CDHR3: variants seen among roughly 807,000 people sequenced by gnomAD.
The protein encoded by CDHR3 is cadherin-related family member 3.
A neutral mutation model predicts 86.6 loss-of-function variants in CDHR3; 79 were observed. The ratio of observed to expected loss-of-function variants is 0.91; its 90% confidence interval spans 0.76 to 1.10. The LOEUF is 1.10. Among genes scored for constraint, CDHR3 ranks in the 50% least tolerant of loss-of-function variants. The probability of loss-of-function intolerance (pLI) is 0.00; values close to 1 mark genes in which losing one functional copy is unlikely to be tolerated. For missense variants in CDHR3, 1,081 were observed against 1,077.6 expected (o/e 1.00, Z -0.04); for synonymous variants, 421 against 402.4 (o/e 1.05, Z -0.55).
chr7:105,981,180 G>A (rs1457518193), intron 3 of CDHR3, 47 bp downstream of exon 3: 7 of 1,581,986 alleles, frequency 4.4e-6, no homozygotes, highest in Non-Finnish European at 5.2e-6. Context: ...GTGGCATCAG[G>A]GAGGGCCCTG....
intron 15 of CDHR3, among the ~76,000 whole-genome samples, chr7:106,025,836 G>C (rs1837269485): frequency 6.6e-6 from 1 of 151,966 alleles, no homozygotes; most frequent in African/African-American, 2.4e-5. Flanking sequence ...AATTAAAAAA[G>C]GCATTTTTGT....
intron 18 of CDHR3, among the ~76,000 whole-genome samples, chr7:106,031,997 T>C (rs1838445653): frequency 6.6e-6 from 1 of 152,182 alleles, no homozygotes; most frequent in African/African-American, 2.4e-5. Flanking sequence ...ATAGCAGGAA[T>C]TCAGGGGTCT....
intron 1 of CDHR3, among the ~76,000 whole-genome samples, chr7:105,963,718 T>C (rs1214018675): frequency 6.6e-6 from 1 of 152,206 alleles, no homozygotes; most frequent in Admixed American, 6.5e-5. Context: ...GTGGAGATTC[T>C]GGCCCTTTTC....
chr7:105,982,927 G>A (rs1032837434), intron 3 of CDHR3, among the ~76,000 whole-genome samples: 1 of 148,918 alleles, frequency 6.7e-6, no homozygotes, highest in African/African-American at 2.5e-5. Flanking sequence ...AGGCTGCAGT[G>A]AGCTATGTTT....
At chr7:106,028,347 G>T (rs1837696980) in intron 16 of CDHR3, 7 of 632,456 alleles carry the variant, frequency 1.1e-5, no homozygotes, top group Non-Finnish European at 2.0e-5. Context: ...GTTATTGTGT[G>T]TGTGTGTATA....
chr7:105,994,703 GGT>G (rs1335992491), intron 4 of CDHR3, 46 bp from the exon 5 acceptor site: 3 of 1,232,954 alleles, frequency 2.4e-6, no homozygotes, highest in Non-Finnish European at 3.5e-6. Context: ...TCTGGGGAAG[GGT>G]GGGCAGGTGG....
At chr7:106,026,836 A>C in intron 16 of CDHR3, 141 bp downstream of exon 16, 1 of 897,600 alleles carries the variant, frequency 1.1e-6, no homozygotes, top group South Asian at 1.4e-5. Context: ...GGCTGGAAGG[A>C]AGCGGAGGTC....
intron 4 of CDHR3, among the ~76,000 whole-genome samples, chr7:105,994,376 A>G (rs1831860416): frequency 6.6e-6 from 1 of 152,188 alleles, no homozygotes. Context: ...ATTTAAATAC[A>G]GTGTTGGTTA....
At chr7:105,971,452 C>A (rs1447024053) in intron 1 of CDHR3, among the ~76,000 whole-genome samples, 2 of 152,148 alleles carry the variant, frequency 1.3e-5, no homozygotes, top group African/African-American at 2.4e-5. Context: ...TCTCTCACTG[C>A]CATTCAAAAT....
intron 1 of CDHR3, among the ~76,000 whole-genome samples, chr7:105,968,423 G>A (rs535179950): frequency 5.3e-5 from 8 of 151,772 alleles, no homozygotes; most frequent in East Asian, 3.9e-4. Context: ...GTGCAGTGGC[G>A]TGATCTGGGC....
At chr7:106,011,711 A>T (rs1834836526) in intron 8 of CDHR3, among the ~76,000 whole-genome samples, 1 of 152,230 alleles carries the variant, frequency 6.6e-6, no homozygotes, top group Admixed American at 6.5e-5. Flanking sequence ...TGAAACCTGG[A>T]GACATGAGAA....
rs1033570467 is a variant in CDHR3, at chr7:106,012,987, G to A, written c.1180G>A (p.Gly394Ser). The A allele has an allele frequency of 7.4e-6, 12 of 1,612,240 alleles. No homozygotes were observed. The highest frequency in any genetic ancestry group is 1.7e-5 in the Admixed American group (1 of 59,668). The change falls in exon 9 of 19, where the codon GGC becomes AGC. Residue 394 changes from glycine (G) to serine (S), a missense_variant. By Grantham distance (56) the Gly-to-Ser change is moderately conservative. Coordinates refer to ENST00000317716, the MANE Select transcript of CDHR3 (RefSeq NM_152750.5). The part of the protein sequence containing the change: ...NFTMPSGVGS[G>S]SRFLQDPAGS... ...CACCATGCCATCTGGAGTGGGGAGC[G>A]GCAGCAGATTTTTACAGGATCCAGC... is the stretch of plus-strand genomic sequence containing the variant.
At chr7:106,020,052 G>T (rs448024) in intron 12 of CDHR3, among the ~76,000 whole-genome samples, 40,425 of 151,970 alleles carry the variant, frequency 0.27, 6,025 homozygotes, top group Middle Eastern at 0.36. Flanking sequence ...TGTGTGTGGG[G>T]GGGGGGCAAG....
intron 8 of CDHR3, among the ~76,000 whole-genome samples, chr7:106,008,185 G>T (rs1276228317): frequency 6.6e-6 from 1 of 152,130 alleles, no homozygotes; most frequent in Non-Finnish European, 1.5e-5. Flanking sequence ...GATGAGATTT[G>T]GGTGGGGACA....
chr7:106,015,910 T>C lies in CDHR3; in HGVS notation c.1328-17T>C, dbSNP rs776737811. On this transcript the variant is annotated splice_polypyrimidine_tract_variant and intron_variant, in intron 10 of 18. Transcript: ENST00000317716. The stretch of plus-strand genomic sequence containing the variant: ...GTATGGATTTGTGATTAAATGTGTT[T>C]CTATTTCCATTTTTAGATAACGTCT... 4 of 1,535,896 alleles carry C rather than the reference T, an allele frequency of 2.6e-6. No individual in the cohort carries two copies. Among genetic ancestry groups the C allele is most frequent in the Non-Finnish European group, 3.6e-6 (4 of 1,112,210 alleles).
At chr7:105,993,476 C>A (rs1281299308) in intron 4 of CDHR3, among the ~76,000 whole-genome samples, 6 of 151,552 alleles carry the variant, frequency 4.0e-5, no homozygotes, top group African/African-American at 1.5e-4. Context: ...TCAAGCCCAG[C>A]CTGGGCAACA....
At chr7:105,974,739 C>T (rs565268221) in intron 1 of CDHR3, 105 bp from the exon 2 acceptor site, 48 of 824,550 alleles carry the variant, frequency 5.8e-5, no homozygotes, top group African/African-American at 1.5e-4. Flanking sequence ...CAGCTCTCAT[C>T]GTCACCCTGA....
At chr7:105,980,650 AGTTTTAGT>A (rs1829594152) in intron 2 of CDHR3, among the ~76,000 whole-genome samples, 2 of 89,984 alleles carry the variant, frequency 2.2e-5, no homozygotes, top group Non-Finnish European at 4.3e-5. Flanking sequence ...TTATACTCTA[AGTTTTAGT>A]GTACATGTGC....
chr7:106,021,834 C>T (rs1303241704), intron 13 of CDHR3, among the ~76,000 whole-genome samples: 1 of 152,236 alleles, frequency 6.6e-6, no homozygotes, highest in African/African-American at 2.4e-5. Context: ...GTGAATTACA[C>T]GTGTTGTTAC....
Sources: allele counts gnomAD v4.1 joint callset (sites outside exome capture counted in the v4.1 genomes callset), GRCh38; gene constraint gnomAD v4.1.1; transcripts MANE v1.5; gene names NCBI Gene and HGNC (gene_info 2026-07-23, HGNC 2026-07-21).